The following AQP1 variants were observed in gnomAD, a reference collection of about 807,000 sequenced individuals.
AQP1 encodes aquaporin 1 (Colton blood group), also known as aquaporin-1.
A neutral mutation model predicts 19.7 loss-of-function variants in AQP1; 11 were observed. That is an observed-to-expected ratio of 0.56 (90% CI 0.35 to 0.92). AQP1 has a LOEUF of 0.92. Among genes scored for constraint, AQP1 ranks in the 40% least tolerant of loss-of-function variants. The pLI is 0.01. For missense variants in AQP1, 320 were observed against 369.7 expected (o/e 0.87, Z 1.10); for synonymous variants, 159 against 166.7 (o/e 0.95, Z 0.36).
rs750322155 is a variant in AQP1, at chr7:30,921,823, G to A, written c.385-243G>A. On this transcript the variant is annotated intron_variant, in intron 1 of 3. Coordinates refer to ENST00000311813, the MANE Select transcript of AQP1 (RefSeq NM_198098.4). Reference sequence around the variant, plus strand: ...CTCTCCAGCTTCTAGGCAGAGTGGGGCCTGGGTCTAGGCAGGTATTAGGGG... The same window carrying A: ...CTCTCCAGCTTCTAGGCAGAGTGGGACCTGGGTCTAGGCAGGTATTAGGGG... The A allele has an allele frequency of 3.9e-6, 6 of 1,550,094 alleles. No homozygotes were observed. The African/African-American group carries it at 6.8e-5, about 18-fold the overall frequency.
intron 1 of AQP1, 169 bp from the exon 2 acceptor site, chr7:30,921,897 C>G: frequency 1.3e-6 from 2 of 1,525,824 alleles, no homozygotes; most frequent in South Asian, 2.4e-5. Flanking sequence ...GGCCTGATTT[C>G]CACTACCTGC....
intron 1 of AQP1, among the ~76,000 whole-genome samples, chr7:30,919,214 G>A (rs1025839689): frequency 6.6e-5 from 10 of 152,174 alleles, no homozygotes; most frequent in African/African-American, 2.4e-4. Context: ...TGTCTTCACC[G>A]AGCTCCCAGG....
In AQP1 at chr7:30,917,658, A is replaced by G. The variant is rs1791391870; in HGVS notation, c.385-4408A>G. Among the ~76,000 whole-genome samples the G allele has an allele frequency of 4.6e-5, 7 of 152,164 alleles. No individual in the cohort carries two copies. In the South Asian group the frequency reaches 1.5e-3, roughly 32 times the overall value. On this transcript the variant is annotated intron_variant, in intron 1 of 3. Coordinates refer to ENST00000311813, the MANE Select transcript of AQP1 (RefSeq NM_198098.4). Reference sequence around the variant, plus strand: ...CATGTCCTGCAGGGATGCCTGTATGATATAGCTGTTCCCAGGGAGGCCGAG... The same window carrying G: ...CATGTCCTGCAGGGATGCCTGTATGGTATAGCTGTTCCCAGGGAGGCCGAG...
intron 1 of AQP1, among the ~76,000 whole-genome samples, chr7:30,913,947 C>T (rs1416888748): frequency 2.0e-5 from 3 of 152,122 alleles, no homozygotes; most frequent in Non-Finnish European, 4.4e-5. Flanking sequence ...GTATGATGGG[C>T]TGGGGGAGCG....
At chr7:30,914,565 C>G (rs957331289) in intron 1 of AQP1, among the ~76,000 whole-genome samples, 1 of 152,210 alleles carries the variant, frequency 6.6e-6, no homozygotes, top group African/African-American at 2.4e-5. Flanking sequence ...AGAGAAGGTA[C>G]CCCTCTAAGG....
At chr7:30,919,623 A>G (rs1396980664) in intron 1 of AQP1, among the ~76,000 whole-genome samples, 1 of 150,804 alleles carries the variant, frequency 6.6e-6, no homozygotes, top group Non-Finnish European at 1.5e-5. Context: ...ATGTGCAAAT[A>G]TATATGTACA....
At chr7:30,919,557 T>C (rs1290127239) in intron 1 of AQP1, among the ~76,000 whole-genome samples, 106 of 46,002 alleles carry the variant, frequency 2.3e-3, no homozygotes, top group African/African-American at 0.017. Context: ...TGATTCTTAC[T>C]TTTTTTTTTT....
chr7:30,921,332 C>T (rs1436191230), intron 1 of AQP1: 11 of 1,349,106 alleles, frequency 8.2e-6, no homozygotes, highest in Admixed American at 3.2e-5. Context: ...GGCAGCCAGA[C>T]GGTGGTGGCG....
chr7:30,912,161 G>C lies in AQP1; in HGVS notation c.252G>C (p.Leu84=), dbSNP rs925279000. 2 of 1,612,898 alleles carry C rather than the reference G, an allele frequency of 1.2e-6. No homozygotes were observed. The highest frequency in any genetic ancestry group is 1.7e-6 in the Non-Finnish European group (2 of 1,180,032). The change falls in exon 1 of 4, where the codon CTG becomes CTC. Residue 84 remains leucine (L), a synonymous_variant. Transcript: ENST00000311813. The surrounding 1 kb of genome is among the most constrained non-coding windows in gnomAD (Gnocchi z 4.3). ...HLNPAVTLGL[L]LSCQISIFRA... ...ACCCGGCTGTCACACTGGGGCTGCT[G>C]CTCAGCTGCCAGATCAGCATCTTCC...
chr7:30,922,996 A>G (rs1791567449), intron 3 of AQP1, among the ~76,000 whole-genome samples: 1 of 152,214 alleles, frequency 6.6e-6, no homozygotes, highest in African/African-American at 2.4e-5. Flanking sequence ...GGAGGGGGAT[A>G]TGGTGGTGCC....
rs1447366445 is a variant in AQP1 at position 30,912,205 on chromosome 7, T to C, written c.296T>C (p.Ile99Thr). Residue 99 changes from isoleucine (I) to threonine (T), a missense_variant, in exon 1 of 4, where the codon ATC becomes ACC. Physicochemically the swap from Ile to Thr is moderately conservative, Grantham distance 89. Transcript: ENST00000311813. This position sits in a 1 kb window ranked among gnomAD's most constrained non-coding sequence, Gnocchi z 4.3. The part of the protein sequence containing the change: ...ISIFRALMYI[I>T]AQCVGAIVAT... ...ATCTTCCGTGCCCTCATGTACATCA[T>C]CGCCCAGTGCGTGGGGGCCATCGTC... The C allele has an allele frequency of 6.2e-7, 1 of 1,611,826 alleles. No homozygotes were observed. Among genetic ancestry groups the C allele is most frequent in the South Asian group, 1.1e-5 (1 of 91,076 alleles).
At position 30,925,480 on chromosome 7, in the gene AQP1, T is replaced by C. The variant is rs1459165675; in HGVS notation, c.*1851T>C. ...TCTCTTTGGAGTTGGAATTTCATTATATGTTAAGAAAATAAAGGAAAATGA... is the reference window on the plus strand; with the variant it reads ...TCTCTTTGGAGTTGGAATTTCATTACATGTTAAGAAAATAAAGGAAAATGA... On this transcript the variant is annotated 3_prime_UTR_variant, in exon 4 of 4. Transcript: ENST00000311813. The C allele has an allele frequency of 1.3e-5, 2 of 152,274 alleles. No homozygotes were observed. The highest frequency in any genetic ancestry group is 2.9e-5 in the Non-Finnish European group (2 of 68,048). 9.4% of individuals were successfully genotyped at this position (152,274 alleles called of 1,614,324 possible). A position where few individuals can be genotyped will look rare whatever the true frequency, so the allele number is the denominator to read the frequency against.
In AQP1 at chr7:30,922,575, T is replaced by C. The variant is rs1471207372; in HGVS notation, c.561T>C (p.Thr187=). ...ALGHLLAIDY[T]GCGINPARSF... ...TCTTTCCCTCACAGATTGACTACAC[T>C]GGCTGTGGGATTAACCCTGCTCGGT... The change falls in exon 3 of 4, where the codon ACT becomes ACC. Residue 187 remains threonine (T), a synonymous_variant. Transcript: ENST00000311813. 1 of 1,614,146 alleles carries C rather than the reference T, an allele frequency of 6.2e-7. No homozygotes were observed. The highest frequency in any genetic ancestry group is 1.7e-5 in the Admixed American group (1 of 60,028).
chr7:30,922,617 G>C lies in AQP1; in HGVS notation c.603G>C (p.Val201=). 1 of 1,614,170 alleles carries C rather than the reference G, an allele frequency of 6.2e-7. No individual in the cohort carries two copies. Among genetic ancestry groups the C allele is most frequent in the African/African-American group, 1.3e-5 (1 of 75,048 alleles). The stretch of plus-strand genomic sequence containing the variant: ...CTGCTCGGTCCTTTGGCTCCGCGGT[G>C]ATCACACACAACTTCAGCAACCACT... The part of the protein sequence containing the change: ...INPARSFGSA[V]ITHNFSNHWI... The change falls in exon 3 of 4, where the codon GTG becomes GTC. Residue 201 remains valine (V), a synonymous_variant. Transcript: ENST00000311813.
rs1791191297 is a variant in AQP1 at position 30,912,422 on chromosome 7, G to A, written c.384+129G>A. The A allele has an allele frequency of 9.5e-6, 13 of 1,366,188 alleles. No individual in the cohort carries two copies. The highest frequency in any genetic ancestry group is 1.4e-5 in the African/African-American group (1 of 69,526). The allele number at this position is 1,366,188 out of a possible 1,614,324, so 84.6% of individuals were successfully genotyped here. On this transcript the variant is annotated intron_variant, in intron 1 of 3. Coordinates refer to ENST00000311813, the MANE Select transcript of AQP1 (RefSeq NM_198098.4). This position sits in a 1 kb window ranked among gnomAD's most constrained non-coding sequence, Gnocchi z 4.3. ...AGGACAAGAGGTTGCTGGAGGTCAC[G>A]TAGAGAGCTGGGGGGAAGAGCTGGG...
rs1360901297 is a variant in AQP1, at chr7:30,925,187, T to G, written c.*1558T>G. On this transcript the variant is annotated 3_prime_UTR_variant, in exon 4 of 4. Transcript: ENST00000311813. The stretch of plus-strand genomic sequence containing the variant: ...CCATTCCCTAGCAGGAACTTCTAGC[T>G]CATTTAACAGATAAAGAAACTGAGG... 2 of 152,220 alleles carry G rather than the reference T, an allele frequency of 1.3e-5. No homozygotes were observed. Among genetic ancestry groups the G allele is most frequent in the African/African-American group, 4.8e-5 (2 of 41,436 alleles). 9.4% of individuals were successfully genotyped at this position (152,220 alleles called of 1,614,324 possible).
At chr7:30,914,008 C>T (rs375786451) in intron 1 of AQP1, among the ~76,000 whole-genome samples, 2 of 152,148 alleles carry the variant, frequency 1.3e-5, no homozygotes, top group East Asian at 3.9e-4. Flanking sequence ...CCCGTCTCTT[C>T]CCTCCCATCT....
chr7:30,913,844 G>GC (rs28362698), intron 1 of AQP1, among the ~76,000 whole-genome samples: 16 of 152,014 alleles, frequency 1.1e-4, no homozygotes, highest in Admixed American at 2.0e-4. Flanking sequence ...ATCAAGCTCT[G>GC]CCCCCCCAGG....
intron 1 of AQP1, chr7:30,921,403 A>C (rs1012082384): frequency 1.4e-6 from 2 of 1,416,394 alleles, no homozygotes; most frequent in African/African-American, 2.9e-5. Context: ...GAGGAAGAAG[A>C]GAGAAGGAGA....
Sources: gnomAD v4.1 joint callset for allele counts (sites outside exome capture counted in the v4.1 genomes callset) on GRCh38, gnomAD v4.1.1 for gene constraint, Gnocchi (gnomAD v3.1) non-coding constraint, MANE v1.5 for transcripts, NCBI Gene and HGNC (gene_info 2026-07-23, HGNC 2026-07-21) for gene names.